Variants in WDR37 observed in about 807,000 individuals in gnomAD.
The protein encoded by WDR37 is WD repeat domain 37.
In WDR37, 19 loss-of-function variants were observed where a neutral mutation model predicts 62.9. The observed-to-expected ratio is 0.30, with a 90% CI of 0.21 to 0.44. The LOEUF (loss-of-function observed/expected upper bound fraction) is 0.44, where lower values mean the gene tolerates loss of function less well. Ranked by LOEUF, WDR37 falls within the 20% of genes least tolerant of loss-of-function variation. WDR37 has a pLI of 1.00. For synonymous variants in WDR37, 250 were observed against 260.9 expected (o/e 0.96, Z 0.40); for missense variants, 474 against 657.6 (o/e 0.72, Z 3.05).
chr10:1,101,130 C>T (rs1199344420), intron 9 of WDR37, among the ~76,000 whole-genome samples: 1 of 152,242 alleles, frequency 6.6e-6, no homozygotes, highest in Non-Finnish European at 1.5e-5. Context: ...TCCCACCCTG[C>T]TCCAGGCCGC....
chr10:1,094,434 G>A (rs906948768), intron 8 of WDR37, among the ~76,000 whole-genome samples: 1 of 152,224 alleles, frequency 6.6e-6, no homozygotes, highest in East Asian at 1.9e-4. Flanking sequence ...TGTGTGGGAT[G>A]CAGCGAGTCA....
At chr10:1,102,480 A>G (rs1349953067) in intron 9 of WDR37, among the ~76,000 whole-genome samples, 2 of 152,210 alleles carry the variant, frequency 1.3e-5, no homozygotes, top group Non-Finnish European at 2.9e-5. Flanking sequence ...GCGTGGCACC[A>G]GCATCTGCTT....
chr10:1,097,926 A>G (rs1180782893), intron 9 of WDR37, among the ~76,000 whole-genome samples: 1 of 151,896 alleles, frequency 6.6e-6, no homozygotes, highest in Non-Finnish European at 1.5e-5. Flanking sequence ...GGCGAATCGC[A>G]CTCTGAGTCC....
chr10:1,077,409 C>G (rs962585385), intron 2 of WDR37, among the ~76,000 whole-genome samples: 1 of 152,138 alleles, frequency 6.6e-6, no homozygotes, highest in Non-Finnish European at 1.5e-5. Flanking sequence ...TCACAACACT[C>G]TTTTAGGTGT....
intron 6 of WDR37, 151 bp downstream of exon 6, chr10:1,084,689 G>A (rs1834143016): frequency 8.4e-7 from 1 of 1,184,126 alleles, no homozygotes; most frequent in Non-Finnish European, 1.2e-6. Context: ...AACCCTTGGT[G>A]ATGCTTAGTG....
At chr10:1,109,249 GTC>G (rs1274393735) in intron 11 of WDR37, among the ~76,000 whole-genome samples, 1 of 152,144 alleles carries the variant, frequency 6.6e-6, no homozygotes, top group Non-Finnish European at 1.5e-5. Flanking sequence ...GTCCTGTATT[GTC>G]TCTGTTCAGT....
At chr10:1,099,628 G>T (rs900963400) in intron 9 of WDR37, among the ~76,000 whole-genome samples, 2 of 152,218 alleles carry the variant, frequency 1.3e-5, no homozygotes, top group Non-Finnish European at 2.9e-5. Context: ...ATTATGTAGC[G>T]CATAACACTG....
intron 1 of WDR37, among the ~76,000 whole-genome samples, chr10:1,057,470 A>G (rs1348101675): frequency 6.6e-6 from 1 of 152,082 alleles, no homozygotes; most frequent in African/African-American, 2.4e-5. Context: ...AAGAGTGGGG[A>G]TGGTCGGCTT....
At chr10:1,065,989 A>G (rs1409913222) in intron 1 of WDR37, among the ~76,000 whole-genome samples, 4 of 149,712 alleles carry the variant, frequency 2.7e-5, no homozygotes, top group African/African-American at 9.9e-5. Flanking sequence ...GTACACGTTT[A>G]ATACATAAAA....
chr10:1,092,230 G>C (rs1834419591), intron 7 of WDR37, among the ~76,000 whole-genome samples: 1 of 151,660 alleles, frequency 6.6e-6, no homozygotes, highest in Non-Finnish European at 1.5e-5. Flanking sequence ...CCTCTGGCTG[G>C]GTGCGGTGGC....
At chr10:1,086,430 A>G (rs551470163) in intron 7 of WDR37, 73 bp downstream of exon 7, 1 of 1,241,884 alleles carries the variant, frequency 8.1e-7, no homozygotes, top group African/African-American at 1.5e-5. Flanking sequence ...ATCGTGCATG[A>G]TAAAGCCAGC....
At chr10:1,101,331 G>A (rs541260784) in intron 9 of WDR37, among the ~76,000 whole-genome samples, 3 of 152,292 alleles carry the variant, frequency 2.0e-5, no homozygotes, top group African/African-American at 2.4e-5. Flanking sequence ...CTCCTGAGGC[G>A]TCTTTCCATG....
chr10:1,127,045 A>T (rs1835811563), intron 13 of WDR37, among the ~76,000 whole-genome samples: 1 of 152,228 alleles, frequency 6.6e-6, no homozygotes, highest in African/African-American at 2.4e-5. Flanking sequence ...TCACAGCTGC[A>T]TCTTAGACAC....
chr10:1,096,472 C>A (rs1834580813), intron 9 of WDR37: 1 of 573,476 alleles, frequency 1.7e-6, no homozygotes, highest in Non-Finnish European at 3.1e-6. Context: ...GGAGAGCTCA[C>A]CTGTGTTCTC....
At position 1,103,120 on chromosome 10, in the gene WDR37, G is replaced by A. The variant is rs896318457; in HGVS notation, c.727-482G>A. Among the ~76,000 whole-genome samples the A allele has an allele frequency of 5.9e-5, 9 of 152,146 alleles. No individual in the cohort carries two copies. The highest frequency in any genetic ancestry group is 2.2e-4 in the African/African-American group (9 of 41,424). On this transcript the variant is annotated intron_variant, in intron 9 of 13. Coordinates refer to ENST00000263150, the MANE Select transcript of WDR37 (RefSeq NM_014023.4). The surrounding 1 kb of genome is among the most constrained non-coding windows in gnomAD (Gnocchi z 6.3). ...CTTGGCCTTTGACAGGGGGCTTGAT[G>A]TTACAAAGGAAAATAGACTCTTATG... is the stretch of plus-strand genomic sequence containing the variant.
At chr10:1,085,539 T>C (rs1834173082) in intron 6 of WDR37, among the ~76,000 whole-genome samples, 1 of 152,200 alleles carries the variant, frequency 6.6e-6, no homozygotes, top group Non-Finnish European at 1.5e-5. Flanking sequence ...ATAATACCCC[T>C]TGAGATAAAA....
chr10:1,126,373 T>C lies in WDR37; in HGVS notation c.1353+1349T>C, dbSNP rs556047778. The stretch of plus-strand genomic sequence containing the variant: ...GTGAGCTGAGATCGCGCCACTGCAC[T>C]CCAGCCTGGGCGACAGAGCGAGACT... On this transcript the variant is annotated intron_variant, in intron 13 of 13. Coordinates refer to ENST00000263150, the MANE Select transcript of WDR37 (RefSeq NM_014023.4). Among the ~76,000 whole-genome samples, 31 of 145,654 alleles carry C rather than the reference T, an allele frequency of 2.1e-4. No homozygotes were observed. The South Asian group carries it at 4.8e-3, about 23-fold the overall frequency.
chr10:1,113,566 G>T (rs1433679860), intron 11 of WDR37, among the ~76,000 whole-genome samples: 1 of 152,212 alleles, frequency 6.6e-6, no homozygotes. Context: ...CATTCTGGTC[G>T]CCATTCAGAA....
chr10:1,059,967 C>A (rs1352408943), intron 1 of WDR37, among the ~76,000 whole-genome samples: 1 of 152,088 alleles, frequency 6.6e-6, no homozygotes, highest in Non-Finnish European at 1.5e-5. Flanking sequence ...GCCTCAGCCT[C>A]CAGGGTAGAT....
Sources: gnomAD v4.1 joint callset for allele counts (sites outside exome capture counted in the v4.1 genomes callset) on GRCh38, gnomAD v4.1.1 for gene constraint, Gnocchi (gnomAD v3.1) non-coding constraint, MANE v1.5 for transcripts, NCBI Gene and HGNC (gene_info 2026-07-23, HGNC 2026-07-21) for gene names.